SPAST: variants seen among roughly 807,000 people sequenced by gnomAD.
The protein encoded by SPAST is spastic paraplegia 4 (autosomal dominant; spastin).
In SPAST, 30 loss-of-function variants were observed where a neutral mutation model predicts 76.6. The observed-to-expected ratio is 0.39, with a 90% confidence interval of 0.29 to 0.53. The LOEUF (loss-of-function observed/expected upper bound fraction) is 0.53, where lower values mean the gene tolerates loss of function less well. Ranked by LOEUF, SPAST falls within the 20% of genes least tolerant of loss-of-function variation. The pLI is 0.68. For synonymous variants in SPAST, 305 were observed against 281.0 expected, an observed-to-expected ratio of 1.09 and a Z score of -0.86; for missense variants, 717 against 770.5, an observed-to-expected ratio of 0.93 and a Z score of 0.82.
intron 4 of SPAST, among the ~76,000 whole-genome samples, chr2:32,108,263 C>CA (rs1394178452): frequency 1.1e-4 from 16 of 152,208 alleles, no homozygotes; most frequent in African/African-American, 3.9e-4. Flanking sequence ...TTACAGACAA[C>CA]AGCCTCAACA....
At chr2:32,064,700 A>G (rs1201921480) in intron 1 of SPAST, among the ~76,000 whole-genome samples, 1 of 152,252 alleles carries the variant, frequency 6.6e-6, no homozygotes, top group Non-Finnish European at 1.5e-5. Flanking sequence ...AAAAAAGAAC[A>G]AATGGTGACA....
rs140094231 is a variant in SPAST at position 32,114,667 on chromosome 2, C to A, written c.712C>A (p.Pro238Thr). 194 of 1,613,850 alleles carry A rather than the reference C, an allele frequency of 1.2e-4. No homozygotes were observed. The highest frequency in any genetic ancestry group is 1.6e-4 in the Non-Finnish European group (189 of 1,179,974). ...ESGAVPKRKD[P>T]LTHTSNSLPR... is the part of the protein sequence containing the mutation. Reference sequence around the variant, plus strand: ...TGGAGCTGTTCCAAAAAGAAAAGACCCCTTAACACACACTAGTAATTCACT... The same window carrying A: ...TGGAGCTGTTCCAAAAAGAAAAGACACCTTAACACACACTAGTAATTCACT... Residue 238 changes from proline to threonine, a missense_variant, in exon 5 of 17, where the codon CCC (proline) becomes ACC (threonine). Physicochemically the swap from Pro to Thr is conservative, Grantham distance 38. Transcript: ENST00000315285.
At chr2:32,068,404 C>T (rs1416146552) in intron 1 of SPAST, among the ~76,000 whole-genome samples, 1 of 151,692 alleles carries the variant, frequency 6.6e-6, no homozygotes, top group Non-Finnish European at 1.5e-5. Flanking sequence ...TCACTGCAAC[C>T]TCCACCTCCC....
Position 32,112,271 on chromosome 2 carries a change from T to C in SPAST, c.683-2367T>C, listed in dbSNP as rs567464866. On this transcript the variant is annotated intron_variant, in intron 4 of 16. Coordinates refer to ENST00000315285, the MANE Select transcript of SPAST (RefSeq NM_014946.4). Reference sequence around the variant, plus strand: ...TCTGGCCTTAAGTTATTATTGACTATTGATGCCCTGTTGCTCTATCAAGTA... The same window carrying C: ...TCTGGCCTTAAGTTATTATTGACTACTGATGCCCTGTTGCTCTATCAAGTA... Among the ~76,000 whole-genome samples the C allele has an allele frequency of 4.6e-5, 7 of 152,032 alleles. No individual in the cohort carries two copies. In the East Asian group the frequency reaches 7.7e-4, roughly 17 times the overall value.
At chr2:32,114,882 G>A (rs1425080162) in intron 5 of SPAST, 57 bp downstream of exon 5, 6 of 1,270,828 alleles carry the variant, frequency 4.7e-6, no homozygotes, top group South Asian at 1.2e-5. Context: ...AAATTTTTAA[G>A]ATACTATTCC....
chr2:32,154,527 T>C lies in SPAST; in HGVS notation c.*31T>C. The C allele has an allele frequency of 6.2e-7, 1 of 1,610,966 alleles. No individual in the cohort carries two copies. Among genetic ancestry groups the C allele is most frequent in the East Asian group, 2.2e-5 (1 of 44,798 alleles). ...TACCTTTGTAAACCTGCAGAACATT[T>C]TACTTAAAAGAGGAAACACAAGATC... On this transcript the variant is annotated 3_prime_UTR_variant, in exon 17 of 17. Transcript: ENST00000315285.
At chr2:32,122,978 A>G (rs1679066829) in intron 7 of SPAST, among the ~76,000 whole-genome samples, 1 of 151,960 alleles carries the variant, frequency 6.6e-6, no homozygotes, top group Non-Finnish European at 1.5e-5. Flanking sequence ...AAAACACAAT[A>G]CTGCTGGGTG....
At position 32,154,390 on chromosome 2, in the gene SPAST, T is replaced by C; in HGVS notation, c.1745T>C (p.Leu582Ser). 6.2e-7 allele frequency: 1 copy of C among 1,613,116 alleles called. No homozygotes were observed. Among genetic ancestry groups the C allele is most frequent in the Non-Finnish European group, 8.5e-7 (1 of 1,179,076 alleles). ...AAAATCTAGATGAGAAATATTCGAT[T>C]ATCTGACTTCACTGAATCCTTGAAA... is the stretch of plus-strand genomic sequence containing the variant. ...MSASEMRNIR[L>S]SDFTESLKKI... Residue 582 changes from leucine to serine, a missense_variant, in exon 17 of 17, where the codon TTA becomes TCA. Physicochemically the swap from Leu to Ser is moderately radical, Grantham distance 145 (BLOSUM62 -2). Around this residue, in one of 3 missense-constraint regions of SPAST, gnomAD observed 96 missense variants for 127.6 expected, o/e 0.75. Transcript: ENST00000315285.
chr2:32,073,702 T>C (rs559558176), intron 1 of SPAST, among the ~76,000 whole-genome samples: 10 of 152,330 alleles, frequency 6.6e-5, no homozygotes, highest in Non-Finnish European at 1.2e-4. Context: ...GTAGCCTTTT[T>C]TTCTCTCGTT....
chr2:32,147,280 TTTTC>T (rs778522508), intron 16 of SPAST, 22 bp downstream of exon 16: 4 of 1,538,718 alleles, frequency 2.6e-6, no homozygotes, highest in East Asian at 2.2e-5. Context: ...TACAATGATA[TTTTC>T]TTTGTCTTCT....
intron 4 of SPAST, among the ~76,000 whole-genome samples, chr2:32,106,750 G>A (rs752463487): frequency 1.3e-5 from 2 of 152,152 alleles, no homozygotes; most frequent in East Asian, 1.9e-4. Context: ...TGGTCTTACA[G>A]TATAGTCAGT....
chr2:32,111,416 ATAGTGTATAGAGTATATATATAG>A lies in SPAST; in HGVS notation c.683-3219_683-3197del, dbSNP rs1678599562. ...ATAGAGTATATATATAGTATACTGT[ATAGTGTATAGAGTATATATATAG>A]TATACTGTATAGTATATAGAGTATA... On this transcript the variant is annotated intron_variant, in intron 4 of 16. Coordinates refer to ENST00000315285, the MANE Select transcript of SPAST (RefSeq NM_014946.4). Among the ~76,000 whole-genome samples the A allele has an allele frequency of 2.7e-5, 4 of 149,330 alleles. No individual in the cohort carries two copies. The South Asian group carries it at 8.4e-4, about 31-fold the overall frequency.
At chr2:32,078,054 G>C (rs1677037027) in intron 1 of SPAST, 1 of 151,892 alleles carries the variant, frequency 6.6e-6, no homozygotes, top group African/African-American at 2.4e-5. Context: ...GCAGTGGCGG[G>C]ATCTCGGCTC....
At position 32,105,325 on chromosome 2, in the gene SPAST, A is replaced by G. The variant is rs992176021; in HGVS notation, c.682+6434A>G. ...CATCAGGCCATTTAAGGTCTTCTCC[A>G]TGCTGTTTATTCTAGTTAGCCATTT... On this transcript the variant is annotated intron_variant, in intron 4 of 16. Transcript: ENST00000315285. 2.6e-5 allele frequency among the ~76,000 whole-genome samples: 4 copies of G among 152,120 alleles called. 1 individual carries two copies. Among genetic ancestry groups the G allele is most frequent in the South Asian group, 4.2e-4 (2 of 4,812 alleles).
At chr2:32,152,445 C>A (rs1218856495) in intron 16 of SPAST, among the ~76,000 whole-genome samples, 1 of 152,022 alleles carries the variant, frequency 6.6e-6, no homozygotes, top group East Asian at 1.9e-4. Flanking sequence ...TGGCGCACAC[C>A]TATAGTCCTA....
chr2:32,100,320 C>CTT (rs77790719), intron 4 of SPAST, among the ~76,000 whole-genome samples: 2 of 128,042 alleles, frequency 1.6e-5, no homozygotes, highest in Admixed American at 7.8e-5. Context: ...TTATTGGTTA[C>CTT]TTTTTTTTTT....
At chr2:32,094,513 G>T (rs976821858) in intron 3 of SPAST, among the ~76,000 whole-genome samples, 41 of 152,354 alleles carry the variant, frequency 2.7e-4, no homozygotes, top group African/African-American at 6.3e-4. Flanking sequence ...TGGTATGTTT[G>T]TGAAGCAGCA....
At chr2:32,072,849 T>G (rs1676806887) in intron 1 of SPAST, among the ~76,000 whole-genome samples, 1 of 152,242 alleles carries the variant, frequency 6.6e-6, no homozygotes, top group African/African-American at 2.4e-5. Context: ...AGACTTGCTT[T>G]CTTTGGGCCT....
chr2:32,083,759 TATATATATATATA>T (rs1677349185), intron 1 of SPAST, among the ~76,000 whole-genome samples: 5 of 91,152 alleles, frequency 5.5e-5, no homozygotes, highest in African/African-American at 2.4e-4. Context: ...ACTATATATA[TATATATATATATA>T]TATATTTTTT....
Sources: gnomAD v4.1 joint callset for allele counts (sites outside exome capture counted in the v4.1 genomes callset) on GRCh38, gnomAD v4.1.1 for gene constraint, gnomAD v4.1.1 regional missense constraint, MANE v1.5 for transcripts, NCBI Gene and HGNC (gene_info 2026-07-23, HGNC 2026-07-21) for gene names.